TAS2R3: variants seen among roughly 807,000 people sequenced by gnomAD.
The protein encoded by TAS2R3 is taste receptor type 2 member 3.
In TAS2R3, 10 loss-of-function variants were observed where a neutral mutation model predicts 15.3. That is an observed-to-expected ratio of 0.65 (90% CI 0.40 to 1.11). The LOEUF (loss-of-function observed/expected upper bound fraction) is 1.11. TAS2R3 is among the 50% of genes least tolerant of loss of function. TAS2R3 has a pLI of 0.00. For synonymous variants in TAS2R3, 162 were observed against 141.3 expected, an observed-to-expected ratio of 1.15 and a Z score of -1.04; for missense variants, 383 against 370.3, an observed-to-expected ratio of 1.03 and a Z score of -0.28.
Position 141,764,667 on chromosome 7 carries a change from A to G in TAS2R3, c.509A>G (p.His170Arg). The G allele has an allele frequency of 6.2e-7, 1 of 1,614,058 alleles. No individual in the cohort carries two copies. The highest frequency in any genetic ancestry group is 8.5e-7 in the Non-Finnish European group (1 of 1,180,014). Residue 170 changes from histidine to arginine, a missense_variant, in exon 1 of 1, where the codon CAC (histidine) becomes CGC (arginine). Transcript: ENST00000247879. ...GIEATRNVTE[H>R]FRKKRSEYYL... is the part of the protein sequence containing the mutation. Reference sequence around the variant, plus strand: ...GAGGCCACCAGGAATGTGACTGAACACTTCAGAAAGAAGAGGAGTGAGTAT... The same window carrying G: ...GAGGCCACCAGGAATGTGACTGAACGCTTCAGAAAGAAGAGGAGTGAGTAT...
the TAS2R3 span, chr7:141,764,425 G>A: frequency 2.5e-6 from 4 of 1,613,966 alleles, no homozygotes; most frequent in Admixed American, 6.7e-5. Context: ...ATGTTTCCTG[G>A]ACATTTACAA....
Position 141,764,275 on chromosome 7 carries a change from G to A in TAS2R3, c.117G>A (p.Lys39=), listed in dbSNP as rs1563035158. The A allele has an allele frequency of 6.2e-7, 1 of 1,614,212 alleles. No homozygotes were observed. ...LVNGSSWFKT[K]RMSLSDFIIT... ...ATGGTAGCAGCTGGTTCAAGACCAA[G>A]AGAATGTCTTTGTCTGACTTCATCA... Residue 39 remains lysine (K), a synonymous_variant, in exon 1 of 1, where the codon AAG becomes AAA. Transcript: ENST00000247879.
rs1267255816 is a variant in TAS2R3 at position 141,764,885 on chromosome 7, T to G, written c.727T>G (p.Phe243Val). The G allele has an allele frequency of 6.2e-7, 1 of 1,614,124 alleles. No homozygotes were observed. The change falls in exon 1 of 1, where the codon TTC becomes GTC. Residue 243 changes from phenylalanine to valine, a missense_variant. Transcript: ENST00000247879. ...IRIILSFFFLFLLYFLAFLIA... is the reference protein window; with the variant it reads ...IRIILSFFFLVLLYFLAFLIA... ...AATCATCCTTTCCTTCTTCTTTCTC[T>G]TCTTACTTTACTTTCTTGCTTTCTT...
chr7:141,764,815 A>C lies in TAS2R3; in HGVS notation c.657A>C (p.Thr219=), dbSNP rs1800105505. 2 of 1,614,000 alleles carry C rather than the reference A, an allele frequency of 1.2e-6. No homozygotes were observed. The highest frequency in any genetic ancestry group is 3.3e-5 in the Admixed American group (2 of 59,990). The change falls in exon 1 of 1, where the codon ACA becomes ACC. Residue 219 remains threonine (T), a synonymous_variant. Transcript: ENST00000247879. ...RHTRQMLQNG[T]SSRDPTTEAH... The stretch of plus-strand genomic sequence containing the variant: ...CACGGCAGATGCTGCAAAATGGGAC[A>C]AGCTCCAGAGATCCAACCACTGAGG...
chr7:141,765,074 C>T lies in TAS2R3; in HGVS notation c.916C>T (p.Leu306=). 6.2e-7 allele frequency: 1 copy of T among 1,613,634 alleles called. No homozygotes were observed. The highest frequency in any genetic ancestry group is 8.5e-7 in the Non-Finnish European group (1 of 1,179,740). ...VVMLRCESGH[L]KPGSKGPIFS Reference sequence around the variant, plus strand: ...GATGCTCCGGTGTGAGTCTGGTCATCTGAAGCCTGGATCCAAGGGACCCAT... The same window carrying T: ...GATGCTCCGGTGTGAGTCTGGTCATTTGAAGCCTGGATCCAAGGGACCCAT... The change falls in exon 1 of 1, where the codon CTG becomes TTG. Residue 306 remains leucine, a synonymous_variant. Coordinates refer to ENST00000247879, the MANE Select transcript of TAS2R3 (RefSeq NM_016943.2).
At position 141,765,084 on chromosome 7, in the gene TAS2R3, G is replaced by A. The variant is rs1306393324; in HGVS notation, c.926G>A (p.Gly309Glu). ...LRCESGHLKP[G>E]SKGPIFS The stretch of plus-strand genomic sequence containing the variant: ...TGTGAGTCTGGTCATCTGAAGCCTG[G>A]ATCCAAGGGACCCATTTTCTCTTAG... The change falls in exon 1 of 1, where the codon GGA becomes GAA. Residue 309 changes from glycine to glutamate, a missense_variant. Gly to Glu is a moderately conservative substitution (Grantham distance 98). Coordinates refer to ENST00000247879, the MANE Select transcript of TAS2R3 (RefSeq NM_016943.2). The A allele has an allele frequency of 1.2e-6, 2 of 1,612,628 alleles. No homozygotes were observed. The highest frequency in any genetic ancestry group is 1.1e-5 in the South Asian group (1 of 90,890).
At position 141,764,474 on chromosome 7, in the gene TAS2R3, C is replaced by G. The variant is rs762608465; in HGVS notation, c.316C>G (p.Leu106Val). The G allele has an allele frequency of 1.2e-6, 2 of 1,614,018 alleles. No homozygotes were observed. The highest frequency in any genetic ancestry group is 3.3e-5 in the Admixed American group (2 of 60,004). Residue 106 changes from leucine to valine, a missense_variant, in exon 1 of 1, where the codon CTC becomes GTC. Coordinates refer to ENST00000247879, the MANE Select transcript of TAS2R3 (RefSeq NM_016943.2). The part of the protein sequence containing the change: ...SIWLATCLGV[L>V]YCLKIASFSH... ...TTGGCTTGCCACCTGTCTTGGTGTC[C>G]TCTACTGCCTGAAAATCGCCAGTTT... is the stretch of plus-strand genomic sequence containing the variant.
Position 141,765,168 on chromosome 7 carries a change from G to T in TAS2R3, c.*59G>T, listed in dbSNP as rs1584778532. 6.7e-7 allele frequency: 1 copy of T among 1,498,068 alleles called. No homozygotes were observed. The highest frequency in any genetic ancestry group is 9.0e-7 in the Non-Finnish European group (1 of 1,114,648). 92.8% of individuals were successfully genotyped at this position (1,498,068 alleles called of 1,614,324 possible). A position where few individuals can be genotyped will look rare whatever the true frequency, so the allele number is the denominator to read the frequency against. ...CTTTTGGCCTGGCTCAAGACTACAG[G>T]ACTCTTCCTGACCTTCCTATGTTAC... On this transcript the variant is annotated 3_prime_UTR_variant, in exon 1 of 1. Transcript: ENST00000247879.
In TAS2R3 at chr7:141,764,105, G is replaced by A. The variant is rs1393955441; in HGVS notation, c.-54G>A. 6.4e-7 allele frequency: 1 copy of A among 1,557,134 alleles called. No homozygotes were observed. Among genetic ancestry groups the A allele is most frequent in the African/African-American group, 1.4e-5 (1 of 73,760 alleles). ...ACGAGAAAAATATCACATCAGTGAG[G>A]AGATTCTATGTATCAACAGAAAGAA... On this transcript the variant is annotated 5_prime_UTR_variant, in exon 1 of 1. Coordinates refer to ENST00000247879, the MANE Select transcript of TAS2R3 (RefSeq NM_016943.2).
rs746950906 is a variant in TAS2R3 at position 141,764,995 on chromosome 7, C to T, written c.837C>T (p.Gly279=). ...GEVMTMFYPA[G]HSFILILGNS... is the part of the protein sequence containing the mutation. Reference sequence around the variant, plus strand: ...TAATGACAATGTTTTATCCTGCTGGCCACTCATTTATTCTCATTCTGGGGA... The same window carrying T: ...TAATGACAATGTTTTATCCTGCTGGTCACTCATTTATTCTCATTCTGGGGA... The change falls in exon 1 of 1, where the codon GGC becomes GGT. Residue 279 remains glycine, a synonymous_variant. Coordinates refer to ENST00000247879, the MANE Select transcript of TAS2R3 (RefSeq NM_016943.2). 28 of 1,614,064 alleles carry T rather than the reference C, an allele frequency of 1.7e-5. No individual in the cohort carries two copies. The South Asian group carries it at 3.1e-4, about 18-fold the overall frequency.
the TAS2R3 span, chr7:141,764,977 AATGTTTT>A: frequency 1.2e-5 from 20 of 1,614,202 alleles, no homozygotes; most frequent in East Asian, 3.8e-4. Context: ...AAGTAATGAC[AATGTTTT>A]ATCCTGCTGG....
Position 141,764,240 on chromosome 7 carries a change from G to C in TAS2R3, c.82G>C (p.Glu28Gln), listed in dbSNP as rs778710107. The C allele has an allele frequency of 1.9e-6, 3 of 1,614,210 alleles. No homozygotes were observed. Among genetic ancestry groups the C allele is most frequent in the Non-Finnish European group, 2.5e-6 (3 of 1,180,048 alleles). Residue 28 changes from glutamate (E) to glutamine (Q), a missense_variant, in exon 1 of 1, where the codon GAG becomes CAG. Coordinates refer to ENST00000247879, the MANE Select transcript of TAS2R3 (RefSeq NM_016943.2). ...TLGILVNCFI[E>Q]LVNGSSWFKT... is the part of the protein sequence containing the mutation. ...GGGAATTCTGGTCAATTGTTTCATT[G>C]AGTTGGTCAATGGTAGCAGCTGGTT...
rs1196462669 is a variant in TAS2R3 at position 141,764,101 on chromosome 7, T to C, written c.-58T>C. 5 of 1,553,238 alleles carry C rather than the reference T, an allele frequency of 3.2e-6. No homozygotes were observed. The Admixed American group carries it at 9.1e-5, about 28-fold the overall frequency. On this transcript the variant is annotated 5_prime_UTR_variant, in exon 1 of 1. Coordinates refer to ENST00000247879, the MANE Select transcript of TAS2R3 (RefSeq NM_016943.2). ...ATTAACGAGAAAAATATCACATCAG[T>C]GAGGAGATTCTATGTATCAACAGAA... is the stretch of plus-strand genomic sequence containing the variant.
At position 141,764,458 on chromosome 7, in the gene TAS2R3, C is replaced by T. The variant is rs1800098770; in HGVS notation, c.300C>T (p.Ala100=). Residue 100 remains alanine, a synonymous_variant, in exon 1 of 1, where the codon GCC becomes GCT. Coordinates refer to ENST00000247879, the MANE Select transcript of TAS2R3 (RefSeq NM_016943.2). ...TFTNHLSIWL[A]TCLGVLYCLK... The stretch of plus-strand genomic sequence containing the variant: ...CAAACCATCTGAGCATTTGGCTTGC[C>T]ACCTGTCTTGGTGTCCTCTACTGCC... The T allele has an allele frequency of 1.9e-6, 3 of 1,614,028 alleles. No individual in the cohort carries two copies. The highest frequency in any genetic ancestry group is 2.5e-6 in the Non-Finnish European group (3 of 1,180,030).
Position 141,765,066 on chromosome 7 carries a change from C to T in TAS2R3, c.908C>T (p.Ser303Phe). ...TTTGTAGTGATGCTCCGGTGTGAGT[C>T]TGGTCATCTGAAGCCTGGATCCAAG... Reference protein sequence around the residue: ...QTFVVMLRCESGHLKPGSKGP... With the variant: ...QTFVVMLRCEFGHLKPGSKGP... The change falls in exon 1 of 1, where the codon TCT becomes TTT. Residue 303 changes from serine to phenylalanine, a missense_variant. Coordinates refer to ENST00000247879, the MANE Select transcript of TAS2R3 (RefSeq NM_016943.2). The T allele has an allele frequency of 6.2e-7, 1 of 1,613,972 alleles. No homozygotes were observed.
Position 141,764,755 on chromosome 7 carries a change from C to G in TAS2R3, c.597C>G (p.Ser199=). The change falls in exon 1 of 1, where the codon TCC becomes TCG. Residue 199 remains serine, a synonymous_variant. Transcript: ENST00000247879. ...YLPPLIVSLA[S]YSLLIFSLGR... ...CTCCCTTAATTGTGTCCCTGGCCTC[C>G]TACTCTTTGCTCATCTTCTCCCTGG... 6.2e-7 allele frequency: 1 copy of G among 1,613,794 alleles called. No individual in the cohort carries two copies.
In TAS2R3 at chr7:141,764,304, C is replaced by G; in HGVS notation, c.146C>G (p.Thr49Ser). 1.9e-6 allele frequency: 3 copies of G among 1,614,212 alleles called. No individual in the cohort carries two copies. Among genetic ancestry groups the G allele is most frequent in the Non-Finnish European group, 2.5e-6 (3 of 1,180,046 alleles). ...KRMSLSDFII[T>S]TLALLRIILL... ...ATGTCTTTGTCTGACTTCATCATCACCACCCTGGCACTCTTGAGGATCATT... is the reference window on the plus strand; with the variant it reads ...ATGTCTTTGTCTGACTTCATCATCAGCACCCTGGCACTCTTGAGGATCATT... The change falls in exon 1 of 1, where the codon ACC (threonine) becomes AGC (serine). Residue 49 changes from threonine to serine, a missense_variant. By Grantham distance (58) the Thr-to-Ser change is moderately conservative (BLOSUM62 1). Transcript: ENST00000247879.
Position 141,765,045 on chromosome 7 carries a change from T to G in TAS2R3, c.887T>G (p.Val296Gly). Reference sequence around the variant, plus strand: ...AACAGTAAGCTGAAGCAGACATTTGTAGTGATGCTCCGGTGTGAGTCTGGT... The same window carrying G: ...AACAGTAAGCTGAAGCAGACATTTGGAGTGATGCTCCGGTGTGAGTCTGGT... Reference protein sequence around the residue: ...LGNSKLKQTFVVMLRCESGHL... With the variant: ...LGNSKLKQTFGVMLRCESGHL... Residue 296 changes from valine (V) to glycine (G), a missense_variant, in exon 1 of 1, where the codon GTA (valine) becomes GGA (glycine). Val to Gly is a moderately radical substitution (Grantham distance 109). Transcript: ENST00000247879. 2 of 1,614,196 alleles carry G rather than the reference T, an allele frequency of 1.2e-6. No individual in the cohort carries two copies. The highest frequency in any genetic ancestry group is 1.7e-6 in the Non-Finnish European group (2 of 1,180,030).
Position 141,764,904 on chromosome 7 carries a change from C to T in TAS2R3, c.746C>T (p.Ala249Val). 1 of 1,614,212 alleles carries T rather than the reference C, an allele frequency of 6.2e-7. No individual in the cohort carries two copies. The highest frequency in any genetic ancestry group is 8.5e-7 in the Non-Finnish European group (1 of 1,180,030). The change falls in exon 1 of 1, where the codon GCT (alanine) becomes GTT (valine). Residue 249 changes from alanine to valine, a missense_variant. By Grantham distance (64) the Ala-to-Val change is moderately conservative. Transcript: ENST00000247879. ...FFFLFLLYFLAFLIASFGNFL... is the reference protein window; with the variant it reads ...FFFLFLLYFLVFLIASFGNFL... ...TTTCTCTTCTTACTTTACTTTCTTG[C>T]TTTCTTAATTGCATCATTTGGTAAT...
Sources: allele counts gnomAD v4.1 joint callset, GRCh38; gene constraint gnomAD v4.1.1; transcripts MANE v1.5; gene names NCBI Gene and HGNC (gene_info 2026-07-23, HGNC 2026-07-21).